Variants in GPX6 observed in about 807,000 individuals in gnomAD.
GPX6 encodes the protein glutathione peroxidase 6, also known as glutathione peroxidase 6 (olfactory).
GPX6 carries 21 observed loss-of-function variants against 20.0 expected under a neutral mutation model. The observed-to-expected ratio is 1.05, with a 90% confidence interval of 0.74 to 1.51. The LOEUF is 1.51. GPX6 is among the 40% of genes most tolerant of loss of function. GPX6 has a pLI of 0.00. For missense variants in GPX6, 233 were observed against 254.7 expected, an observed-to-expected ratio of 0.91 and a Z score of 0.58; for synonymous variants, 75 against 98.0, an observed-to-expected ratio of 0.77 and a Z score of 1.38.
At chr6:28,505,655 C>CAG in intron 4 of GPX6, 48 bp downstream of exon 4, 1 of 1,458,130 alleles carries the variant, frequency 6.9e-7, no homozygotes, top group Non-Finnish European at 9.6e-7. Flanking sequence ...CCACTGCTTT[C>CAG]AGAGCATTTC....
intron 2 of GPX6, among the ~76,000 whole-genome samples, chr6:28,510,296 ATGAT>A (rs759617869): frequency 3.3e-5 from 5 of 152,332 alleles, no homozygotes; most frequent in Non-Finnish European, 5.9e-5. Context: ...CCATGTAGAT[ATGAT>A]TGATTAAGAC....
chr6:28,509,822 T>C (rs1339960711), intron 2 of GPX6, among the ~76,000 whole-genome samples: 2 of 152,234 alleles, frequency 1.3e-5, no homozygotes, highest in East Asian at 3.9e-4. Context: ...AGCATTCTTC[T>C]ACATTGCCAG....
At chr6:28,514,557 T>G (rs748586614) in intron 1 of GPX6, among the ~76,000 whole-genome samples, 2 of 152,184 alleles carry the variant, frequency 1.3e-5, no homozygotes, top group Non-Finnish European at 2.9e-5. Flanking sequence ...CATCTTACAC[T>G]TCATATGAAT....
chr6:28,506,252 G>A, intron 3 of GPX6, 60 bp downstream of exon 3: 1 of 981,334 alleles, frequency 1.0e-6, no homozygotes, highest in East Asian at 2.4e-5. Context: ...CAGGCATCTA[G>A]GTGGAATGAG....
intron 1 of GPX6, among the ~76,000 whole-genome samples, chr6:28,514,853 T>C (rs1357293795): frequency 6.6e-6 from 1 of 152,244 alleles, no homozygotes; most frequent in Non-Finnish European, 1.5e-5. Context: ...TGAGGCTGCT[T>C]TTGAATAAAT....
rs374833384 is a variant in GPX6, at chr6:28,504,419, C to A, written c.539G>T (p.Arg180Leu). 5.1e-5 allele frequency: 83 copies of A among 1,613,962 alleles called. No individual in the cohort carries two copies. The highest frequency in any genetic ancestry group is 6.9e-5 in the Non-Finnish European group (82 of 1,180,020). The change falls in exon 5 of 5, where the codon CGC becomes CTC. Residue 180 changes from arginine to leucine, a missense_variant. By Grantham distance (102) the Arg-to-Leu change is moderately radical. Coordinates refer to ENST00000361902, the MANE Select transcript of GPX6 (RefSeq NM_182701.1). ...CACCAGAAATTTCTCAAAGTTCCAG[C>A]GGATATCATGGACCTTCATGGGCTC... is the stretch of plus-strand genomic sequence containing the variant. The part of the protein sequence containing the change: ...FWEPMKVHDI[R>L]WNFEKFLVGP...
intron 2 of GPX6, among the ~76,000 whole-genome samples, chr6:28,509,266 T>C (rs1227030590): frequency 6.6e-6 from 1 of 151,246 alleles, no homozygotes; most frequent in African/African-American, 2.4e-5. Context: ...ATGCCTGTAA[T>C]CCCAGCACTT....
rs1762825679 is a variant in GPX6, at chr6:28,508,204, C to T, written c.242-1775G>A. Among the ~76,000 whole-genome samples the T allele has an allele frequency of 1.3e-5, 2 of 152,192 alleles. 1 individual carries two copies. Among genetic ancestry groups the T allele is most frequent in the Non-Finnish European group, 2.9e-5 (2 of 68,046 alleles). On this transcript the variant is annotated intron_variant, in intron 2 of 4. Transcript: ENST00000361902. ...TAAATTAAAACAAATTTAAGAGCAG[C>T]TTCACATTCCATGGAACTGCGTTTA...
intron 1 of GPX6, among the ~76,000 whole-genome samples, chr6:28,513,225 C>T (rs560180108): frequency 6.6e-6 from 1 of 152,262 alleles, no homozygotes; most frequent in East Asian, 1.9e-4. Context: ...AAGGCAAGAT[C>T]CCTGGGATAC....
chr6:28,505,532 C>T (rs1322483487), intron 4 of GPX6, among the ~76,000 whole-genome samples, 171 bp downstream of exon 4: 1 of 152,186 alleles, frequency 6.6e-6, no homozygotes, highest in Non-Finnish European at 1.5e-5. Flanking sequence ...TATTGTCCAT[C>T]ATGGGTTTCC....
chr6:28,513,632 C>T (rs893027371), intron 1 of GPX6, among the ~76,000 whole-genome samples: 20 of 152,232 alleles, frequency 1.3e-4, no homozygotes, highest in Middle Eastern at 6.8e-3. Context: ...AACTTTTCTA[C>T]CCACAAGCAT....
At chr6:28,513,257 A>G in intron 1 of GPX6, among the ~76,000 whole-genome samples, 1 of 152,256 alleles carries the variant, frequency 6.6e-6, no homozygotes, top group South Asian at 2.1e-4. Context: ...TGTCTTTGTG[A>G]TAAGGCAGGG....
Position 28,506,294 on chromosome 6 carries a change from T to A in GPX6, c.359+18A>T. The A allele has an allele frequency of 7.1e-7, 1 of 1,411,074 alleles. No individual in the cohort carries two copies. Among genetic ancestry groups the A allele is most frequent in the Non-Finnish European group, 1.0e-6 (1 of 994,568 alleles). 87.4% of individuals were successfully genotyped at this position (1,411,074 alleles called of 1,614,324 possible). Reference sequence around the variant, plus strand: ...AAATCCCGACAGGGCATCTGCAGGGTCCCATGCAAGCACTCACTTGAGACC... The same window carrying A: ...AAATCCCGACAGGGCATCTGCAGGGACCCATGCAAGCACTCACTTGAGACC... On this transcript the variant is annotated intron_variant, in intron 3 of 4. Coordinates refer to ENST00000361902, the MANE Select transcript of GPX6 (RefSeq NM_182701.1).
In GPX6 at chr6:28,511,372, G is replaced by A. The variant is rs555021580; in HGVS notation, c.88-468C>T. Among the ~76,000 whole-genome samples, 11 of 152,316 alleles carry A rather than the reference G, an allele frequency of 7.2e-5. No homozygotes were observed. In the South Asian group the frequency reaches 1.0e-3, roughly 14 times the overall value. On this transcript the variant is annotated intron_variant, in intron 1 of 4. Transcript: ENST00000361902. ...TAACTTCTCCAGATGCCACTGAAGG[G>A]CCTTTCCAGGCTTGCCAATGGGGTA...
At chr6:28,507,935 T>C (rs995024817) in intron 2 of GPX6, among the ~76,000 whole-genome samples, 2 of 152,224 alleles carry the variant, frequency 1.3e-5, no homozygotes, top group African/African-American at 4.8e-5. Flanking sequence ...ATGTGCATAA[T>C]CATTTCTGTG....
rs527866334 is a variant in GPX6 at position 28,510,958 on chromosome 6, C to A, written c.88-54G>T. ...ATATAAGATAAAAAATAATTCCCAA[C>A]ATTTGTGGACTTTTTCAAAACACTC... On this transcript the variant is annotated intron_variant, in intron 1 of 4. Coordinates refer to ENST00000361902, the MANE Select transcript of GPX6 (RefSeq NM_182701.1). The A allele has an allele frequency of 4.0e-6, 6 of 1,485,106 alleles. No individual in the cohort carries two copies. The African/African-American group carries it at 8.4e-5, about 21-fold the overall frequency. 92.0% of individuals were successfully genotyped at this position (1,485,106 alleles called of 1,614,324 possible).
In GPX6 at chr6:28,505,720, C is replaced by G. The variant is rs764239874; in HGVS notation, c.442G>C (p.Val148Leu). ...TCATGCACCTTCAGGAAAGTAAAGACCTTCTGTTCTTTTTCTCCATTCACA... is the reference window on the plus strand; with the variant it reads ...TCATGCACCTTCAGGAAAGTAAAGAGCTTCTGTTCTTTTTCTCCATTCACA... Reference protein sequence around the residue: ...GDVNGEKEQKVFTFLKNSCPP... With the variant: ...GDVNGEKEQKLFTFLKNSCPP... The change falls in exon 4 of 5, where the codon GTC becomes CTC. Residue 148 changes from valine (V) to leucine (L), a missense_variant. Transcript: ENST00000361902. 3 of 1,613,498 alleles carry G rather than the reference C, an allele frequency of 1.9e-6. No homozygotes were observed. The South Asian group carries it at 3.3e-5, about 18-fold the overall frequency.
rs1362480354 is a variant in GPX6 at position 28,503,741 on chromosome 6, T to C, written c.*551A>G. On this transcript the variant is annotated 3_prime_UTR_variant, in exon 5 of 5. Transcript: ENST00000361902. ...GAGGTCCTACATGAGAACTACTGGGTGGCAGGGGAATAAAGGAGAATTAAG... is the reference window on the plus strand; with the variant it reads ...GAGGTCCTACATGAGAACTACTGGGCGGCAGGGGAATAAAGGAGAATTAAG... 6.5e-6 allele frequency: 1 copy of C among 153,016 alleles called. No homozygotes were observed. The highest frequency in any genetic ancestry group is 2.4e-5 in the African/African-American group (1 of 41,396). 9.5% of individuals were successfully genotyped at this position (153,016 alleles called of 1,614,324 possible).
chr6:28,506,394 C>G lies in GPX6; in HGVS notation c.277G>C (p.Gly93Arg). 2 of 1,613,408 alleles carry G rather than the reference C, an allele frequency of 1.2e-6. No homozygotes were observed. The highest frequency in any genetic ancestry group is 1.7e-6 in the Non-Finnish European group (2 of 1,179,428). ...CAGGGAAAGGCCAACACAATGACAC[C>G]AAAATTCTTCAGCTCCTCCTGTAGT... is the stretch of plus-strand genomic sequence containing the variant. The part of the protein sequence containing the change: ...NALQEELKNF[G>R]VIVLAFPCNQ... The change falls in exon 3 of 5, where the codon GGT (glycine) becomes CGT (arginine). Residue 93 changes from glycine (G) to arginine (R), a missense_variant. Gly to Arg is a moderately radical substitution (Grantham distance 125). Transcript: ENST00000361902.
Sources: gnomAD v4.1 joint callset for allele counts (sites outside exome capture counted in the v4.1 genomes callset) on GRCh38, gnomAD v4.1.1 for gene constraint, MANE v1.5 for transcripts, NCBI Gene and HGNC (gene_info 2026-07-23, HGNC 2026-07-21) for gene names.